ATP8A1: variants seen among roughly 807,000 people sequenced by gnomAD.
ATP8A1 encodes phospholipid-transporting ATPase IA.
In ATP8A1, 90 loss-of-function variants were observed where a neutral mutation model predicts 177.7. The ratio of observed to expected loss-of-function variants is 0.51; its 90% CI spans 0.43 to 0.60. ATP8A1 has a LOEUF of 0.60. Ranked by LOEUF, ATP8A1 falls within the 20% of genes least tolerant of loss-of-function variation. The pLI is 0.00. For missense variants in ATP8A1, 1,072 were observed against 1,392.8 expected (o/e 0.77, Z 3.67); for synonymous variants, 493 against 485.9 (o/e 1.01, Z -0.19).
chr4:42,634,269 G>A (rs942661627), intron 1 of ATP8A1, among the ~76,000 whole-genome samples: 2 of 152,112 alleles, frequency 1.3e-5, no homozygotes, highest in Non-Finnish European at 2.9e-5. Context: ...GCTACTCCAC[G>A]CAAAAGCCCA....
intron 35 of ATP8A1, among the ~76,000 whole-genome samples, chr4:42,416,103 A>G (rs1294312712): frequency 6.6e-6 from 1 of 152,182 alleles, no homozygotes; most frequent in Admixed American, 6.5e-5. Flanking sequence ...AGAAATGAGA[A>G]AGGGCCATTT....
At chr4:42,546,581 TAAAAA>T (rs71200293) in intron 19 of ATP8A1, among the ~76,000 whole-genome samples, 4 of 139,242 alleles carry the variant, frequency 2.9e-5, no homozygotes, top group Non-Finnish European at 4.7e-5. Context: ...TAAAGTATAA[TAAAAA>T]AAAAAAAAAC....
intron 22 of ATP8A1, among the ~76,000 whole-genome samples, chr4:42,519,297 T>A (rs1286603572): frequency 1.3e-5 from 2 of 151,950 alleles, no homozygotes; most frequent in African/African-American, 4.8e-5. Context: ...TCCCCCTATG[T>A]TCCCCCAGGC....
chr4:42,499,424 C>T, intron 24 of ATP8A1, among the ~76,000 whole-genome samples: 1 of 152,114 alleles, frequency 6.6e-6, no homozygotes, highest in African/African-American at 2.4e-5. Context: ...CCCACAACTC[C>T]TCACATAAAA....
chr4:42,499,517 G>A (rs1691166037), intron 24 of ATP8A1, among the ~76,000 whole-genome samples: 1 of 152,148 alleles, frequency 6.6e-6, no homozygotes, highest in African/African-American at 2.4e-5. Flanking sequence ...TAAAAAATCT[G>A]TTTAAGTCAC....
chr4:42,428,086 A>AGACT (rs1714831877), intron 33 of ATP8A1, among the ~76,000 whole-genome samples: 2 of 152,248 alleles, frequency 1.3e-5, no homozygotes, highest in African/African-American at 4.8e-5. Flanking sequence ...AATTATCAGA[A>AGACT]GACTGATAGT....
At chr4:42,481,976 T>A (rs891693291) in intron 25 of ATP8A1, among the ~76,000 whole-genome samples, 1 of 152,122 alleles carries the variant, frequency 6.6e-6, no homozygotes, top group Admixed American at 6.5e-5. Context: ...ATACTCACAA[T>A]GTTAAAAACA....
chr4:42,556,733 T>C (rs530098958), intron 15 of ATP8A1, among the ~76,000 whole-genome samples: 2 of 152,078 alleles, frequency 1.3e-5, no homozygotes, highest in African/African-American at 2.4e-5. Flanking sequence ...CAATTTAACA[T>C]AAAAATACTG....
intron 25 of ATP8A1, among the ~76,000 whole-genome samples, chr4:42,469,322 A>G (rs1720140644): frequency 6.6e-6 from 1 of 152,156 alleles, no homozygotes; most frequent in African/African-American, 2.4e-5. Context: ...CACCAAGTCA[A>G]TTCATGGAAG....
At chr4:42,636,553 T>G (rs1415453136) in intron 1 of ATP8A1, among the ~76,000 whole-genome samples, 1 of 152,198 alleles carries the variant, frequency 6.6e-6, no homozygotes, top group Non-Finnish European at 1.5e-5. Flanking sequence ...GAAATTAAAA[T>G]GGAAACTATT....
At chr4:42,626,877 A>C in intron 2 of ATP8A1, 118 bp downstream of exon 2, 1 of 736,766 alleles carries the variant, frequency 1.4e-6, no homozygotes, top group East Asian at 2.7e-5. Flanking sequence ...CACACTGCCA[A>C]CAGGGAGCTC....
chr4:42,619,185 C>T (rs1056812601), intron 4 of ATP8A1, among the ~76,000 whole-genome samples: 2 of 151,700 alleles, frequency 1.3e-5, no homozygotes, highest in South Asian at 2.1e-4. Context: ...TGATTAGTGT[C>T]GATCTCTTCT....
intron 25 of ATP8A1, chr4:42,471,873 C>A: frequency 1.6e-6 from 1 of 617,106 alleles, no homozygotes; most frequent in East Asian, 3.5e-5. Flanking sequence ...GTTAAGAGTC[C>A]GGCATCTTTC....
intron 15 of ATP8A1, among the ~76,000 whole-genome samples, chr4:42,564,832 G>A (rs946105577): frequency 3.3e-5 from 5 of 152,090 alleles, no homozygotes; most frequent in African/African-American, 1.2e-4. Context: ...GGGCCGGGGT[G>A]GAATGATATG....
intron 1 of ATP8A1, among the ~76,000 whole-genome samples, chr4:42,640,770 C>T (rs1219251966): frequency 6.6e-6 from 1 of 152,138 alleles, no homozygotes; most frequent in Non-Finnish European, 1.5e-5. Context: ...GTCTCTCCTT[C>T]CATCTCCTGG....
At chr4:42,428,923 G>T (rs1714936228) in intron 33 of ATP8A1, among the ~76,000 whole-genome samples, 1 of 152,128 alleles carries the variant, frequency 6.6e-6, no homozygotes, top group South Asian at 2.1e-4. Context: ...CTTCCGTTAT[G>T]TTGGCACCTA....
intron 22 of ATP8A1, among the ~76,000 whole-genome samples, chr4:42,516,268 T>C (rs1725525733): frequency 6.6e-6 from 1 of 152,184 alleles, no homozygotes; most frequent in African/African-American, 2.4e-5. Context: ...AACATTGCTA[T>C]CTGATCAAAA....
chr4:42,431,251 G>A lies in ATP8A1; in HGVS notation c.3124-7546C>T, dbSNP rs539367396. On this transcript the variant is annotated intron_variant, in intron 33 of 36. Transcript: ENST00000381668. ...GAAGCACTCAAAATAGTATAATAAT[G>A]CCTCTATTTTCAGTCAGACTCTAAT... Among the ~76,000 whole-genome samples the A allele has an allele frequency of 3.3e-5, 5 of 152,138 alleles. No individual in the cohort carries two copies. The East Asian group carries it at 9.7e-4, about 29-fold the overall frequency.
chr4:42,421,529 T>C (rs985341356), intron 35 of ATP8A1, among the ~76,000 whole-genome samples: 1 of 152,070 alleles, frequency 6.6e-6, no homozygotes, highest in African/African-American at 2.4e-5. Context: ...TTCAGTGAGA[T>C]AGTACACGTA....
Sources: allele counts gnomAD v4.1 joint callset (sites outside exome capture counted in the v4.1 genomes callset), GRCh38; gene constraint gnomAD v4.1.1; transcripts MANE v1.5; gene names NCBI Gene and HGNC (gene_info 2026-07-23, HGNC 2026-07-21).